Variants in ADAMTS12 observed in about 807,000 individuals in gnomAD.
The protein encoded by ADAMTS12 is A disintegrin and metalloproteinase with thrombospondin motifs 12.
ADAMTS12 carries 118 observed loss-of-function variants against 167.8 expected under a neutral mutation model. The ratio of observed to expected loss-of-function variants is 0.70; its 90% CI spans 0.61 to 0.82. The LOEUF (loss-of-function observed/expected upper bound fraction) is 0.82, where lower values mean the gene tolerates loss of function less well. Ranked by LOEUF, ADAMTS12 falls within the 40% of genes least tolerant of loss-of-function variation. The pLI is 0.00. For missense variants in ADAMTS12, 1,916 were observed against 1,998.8 expected (o/e 0.96, Z 0.79); for synonymous variants, 704 against 716.9 (o/e 0.98, Z 0.29).
intron 2 of ADAMTS12, among the ~76,000 whole-genome samples, chr5:33,799,695 T>C (rs997455417): frequency 1.3e-5 from 2 of 152,246 alleles, no homozygotes; most frequent in Admixed American, 1.3e-4. Flanking sequence ...TTAATTAATG[T>C]ATTTCCCATC....
intron 2 of ADAMTS12, among the ~76,000 whole-genome samples, chr5:33,788,048 G>C (rs946623986): frequency 1.1e-4 from 16 of 152,178 alleles, no homozygotes; most frequent in Admixed American, 2.0e-4. Context: ...GGATGCCAGT[G>C]AGTTCCAGCA....
chr5:33,821,856 T>C (rs1445949590), intron 2 of ADAMTS12, among the ~76,000 whole-genome samples: 1 of 152,146 alleles, frequency 6.6e-6, no homozygotes, highest in Admixed American at 6.5e-5. Context: ...ATAATAATGT[T>C]TCTCTGCCAA....
Position 33,525,582 on chromosome 5 carries a change from A to G in ADAMTS12, c.*1606T>C, listed in dbSNP as rs962412290. ...CACTTACCCATTTGTATGCCTATCT[A>G]TGTTTACATTAATTCTGCCACCATC... On this transcript the variant is annotated 3_prime_UTR_variant, in exon 24 of 24. Transcript: ENST00000504830. 2.0e-5 allele frequency: 3 copies of G among 152,218 alleles called. No homozygotes were observed. Among genetic ancestry groups the G allele is most frequent in the African/African-American group, 7.2e-5 (3 of 41,454 alleles). 9.4% of individuals were successfully genotyped at this position (152,218 alleles called of 1,614,324 possible).
intron 23 of ADAMTS12, among the ~76,000 whole-genome samples, chr5:33,530,867 T>G (rs1052005113): frequency 3.9e-5 from 6 of 152,208 alleles, no homozygotes; most frequent in African/African-American, 1.4e-4. Context: ...AACTGTATCC[T>G]TTGAAATGTA....
chr5:33,724,610 G>C (rs1378300175), intron 3 of ADAMTS12, among the ~76,000 whole-genome samples: 1 of 150,820 alleles, frequency 6.6e-6, no homozygotes, highest in Non-Finnish European at 1.5e-5. Context: ...GGACTGCAGC[G>C]GCGCTATCTC....
At chr5:33,568,774 G>C (rs1184143994) in intron 19 of ADAMTS12, among the ~76,000 whole-genome samples, 1 of 152,254 alleles carries the variant, frequency 6.6e-6, no homozygotes, top group Non-Finnish European at 1.5e-5. Flanking sequence ...CCGTGCACCA[G>C]CCAAAGCAGG....
chr5:33,632,929 G>A (rs11746951), intron 12 of ADAMTS12, among the ~76,000 whole-genome samples: 20,318 of 152,012 alleles, frequency 0.13, 1,732 homozygotes, highest in Non-Finnish European at 0.2. Context: ...AGAGAGAAAC[G>A]GACAGATTCA....
intron 13 of ADAMTS12, among the ~76,000 whole-genome samples, chr5:33,628,836 T>C (rs2112139098): frequency 6.6e-6 from 1 of 152,338 alleles, no homozygotes; most frequent in South Asian, 2.1e-4. Flanking sequence ...ACCAGTGTGC[T>C]ATAGACAGAA....
At chr5:33,540,350 G>C (rs1263733813) in intron 22 of ADAMTS12, among the ~76,000 whole-genome samples, 1 of 152,272 alleles carries the variant, frequency 6.6e-6, no homozygotes, top group African/African-American at 2.4e-5. Context: ...ACGGCCTACT[G>C]CCTCTGTAGA....
intron 20 of ADAMTS12, among the ~76,000 whole-genome samples, chr5:33,553,560 G>T (rs1198933443): frequency 1.3e-5 from 2 of 152,160 alleles, no homozygotes; most frequent in Non-Finnish European, 2.9e-5. Flanking sequence ...CATGTCCTTT[G>T]CAGGAACATG....
intron 11 of ADAMTS12, among the ~76,000 whole-genome samples, chr5:33,640,730 T>C (rs1740405477): frequency 6.6e-6 from 1 of 151,880 alleles, no homozygotes; most frequent in Non-Finnish European, 1.5e-5. Context: ...ATAACTACTA[T>C]TTATTAACAC....
intron 7 of ADAMTS12, 127 bp downstream of exon 7, chr5:33,658,057 G>A: frequency 1.7e-6 from 2 of 1,186,896 alleles, no homozygotes; most frequent in South Asian, 3.0e-5. Flanking sequence ...TGAGGAGGGT[G>A]AGTCACAAGC....
intron 13 of ADAMTS12, among the ~76,000 whole-genome samples, chr5:33,626,735 ATGG>A (rs1330204298): frequency 4.7e-5 from 5 of 107,520 alleles, no homozygotes; most frequent in African/African-American, 7.2e-5. Context: ...TTTGATGGTA[ATGG>A]TGGTGGTGGT....
Position 33,546,197 on chromosome 5 carries a change from G to T in ADAMTS12, c.4308C>A (p.Ser1436=). ...AWQVEPWSQC[S]RSCGGGVQER... ...CCTGAACTCCACCTCCACAGGACCT[G>T]GAGCACTGATACACAGCAGTGACAA... Residue 1436 remains serine (S), a synonymous_variant, in exon 22 of 24, where the codon TCC becomes TCA. Transcript: ENST00000504830. The T allele has an allele frequency of 6.2e-7, 1 of 1,611,672 alleles. No homozygotes were observed. Among genetic ancestry groups the T allele is most frequent in the Non-Finnish European group, 8.5e-7 (1 of 1,179,210 alleles).
Position 33,524,757 on chromosome 5 carries a change from C to T in ADAMTS12, c.*2431G>A, listed in dbSNP as rs1579617749. The stretch of plus-strand genomic sequence containing the variant: ...TCATTCTGGAGTCAAGAATGATGGA[C>T]ATCACACAGCTGTCTTACAACATAG... On this transcript the variant is annotated 3_prime_UTR_variant, in exon 24 of 24. Coordinates refer to ENST00000504830, the MANE Select transcript of ADAMTS12 (RefSeq NM_030955.4). The T allele has an allele frequency of 6.6e-6, 1 of 152,198 alleles. No individual in the cohort carries two copies. Among genetic ancestry groups the T allele is most frequent in the Non-Finnish European group, 1.5e-5 (1 of 68,044 alleles). The allele number at this position is 152,198 out of a possible 1,614,324, so 9.4% of individuals were successfully genotyped here.
rs148605822 is a variant in ADAMTS12, at chr5:33,571,091, T to C, written c.3972+4963A>G. ...CCCAATACAGGAGCACCCAGATTCA[T>C]AAAGCTAGCCCTGAGTGACCTACAA... is the stretch of plus-strand genomic sequence containing the variant. On this transcript the variant is annotated intron_variant, in intron 19 of 23. Coordinates refer to ENST00000504830, the MANE Select transcript of ADAMTS12 (RefSeq NM_030955.4). Among the ~76,000 whole-genome samples, 921 of 152,288 alleles carry C rather than the reference T, an allele frequency of 6.0e-3. 5 individuals are homozygous for C. The highest frequency in any genetic ancestry group is 7.6e-3 in the Non-Finnish European group (520 of 68,032).
intron 5 of ADAMTS12, among the ~76,000 whole-genome samples, chr5:33,666,497 C>CT (rs1380843342): frequency 7.6e-5 from 9 of 119,044 alleles, no homozygotes; most frequent in Admixed American, 4.1e-4. Context: ...CATACAGGGT[C>CT]TTTTTTTTTC....
rs536646543 is a variant in ADAMTS12, at chr5:33,792,538, T to C, written c.490-40990A>G. On this transcript the variant is annotated intron_variant, in intron 2 of 23. Coordinates refer to ENST00000504830, the MANE Select transcript of ADAMTS12 (RefSeq NM_030955.4). Reference sequence around the variant, plus strand: ...ATTATTGAATTTGGTGGGCTTATTATACTTTTTATCCCTCAAAGAGCCTGG... The same window carrying C: ...ATTATTGAATTTGGTGGGCTTATTACACTTTTTATCCCTCAAAGAGCCTGG... 3.9e-5 allele frequency among the ~76,000 whole-genome samples: 6 copies of C among 152,338 alleles called. No individual in the cohort carries two copies. The South Asian group carries it at 1.2e-3, about 32-fold the overall frequency.
At chr5:33,856,587 T>C (rs1039444743) in intron 2 of ADAMTS12, among the ~76,000 whole-genome samples, 2 of 151,194 alleles carry the variant, frequency 1.3e-5, no homozygotes, top group Non-Finnish European at 2.9e-5. Flanking sequence ...TGAGACCCCA[T>C]CTCTAAATTT....
Sources: gnomAD v4.1 joint callset for allele counts (sites outside exome capture counted in the v4.1 genomes callset) on GRCh38, gnomAD v4.1.1 for gene constraint, MANE v1.5 for transcripts, NCBI Gene and HGNC (gene_info 2026-07-23, HGNC 2026-07-21) for gene names.